SLC9A9: variants seen among roughly 807,000 people sequenced by gnomAD.
SLC9A9 encodes solute carrier family 9 member A9.
A neutral mutation model predicts 77.8 loss-of-function variants in SLC9A9; 62 were observed. The observed-to-expected ratio is 0.80, with a 90% CI of 0.65 to 0.98. SLC9A9 has a LOEUF of 0.98. Ranked by LOEUF, SLC9A9 falls within the 50% of genes least tolerant of loss-of-function variation. The pLI is 0.00. For synonymous variants in SLC9A9, 320 were observed against 283.5 expected (o/e 1.13, Z -1.29); for missense variants, 775 against 774.9 (o/e 1.00, Z 0.00).
At chr3:143,671,403 T>A (rs1472639761) in intron 5 of SLC9A9, among the ~76,000 whole-genome samples, 2 of 152,214 alleles carry the variant, frequency 1.3e-5, no homozygotes, top group Non-Finnish European at 2.9e-5. Context: ...TACCTATATT[T>A]CATTAACTTG....
intron 8 of SLC9A9, among the ~76,000 whole-genome samples, chr3:143,560,165 G>T (rs1023646571): frequency 1.3e-5 from 2 of 152,228 alleles, no homozygotes; most frequent in African/African-American, 2.4e-5. Context: ...TTTAAATGCA[G>T]ATTCTCCTTC....
At chr3:143,473,675 A>G (rs369715392) in intron 11 of SLC9A9, among the ~76,000 whole-genome samples, 1 of 152,232 alleles carries the variant, frequency 6.6e-6, no homozygotes, top group East Asian at 1.9e-4. Context: ...TTATTAAATC[A>G]TAGTCTGAAA....
intron 9 of SLC9A9, among the ~76,000 whole-genome samples, chr3:143,547,648 G>A (rs183097330): frequency 1.3e-5 from 2 of 152,286 alleles, no homozygotes; most frequent in East Asian, 1.9e-4. Flanking sequence ...GCCCCAGGGG[G>A]CCTCTGTACC....
intron 12 of SLC9A9, among the ~76,000 whole-genome samples, chr3:143,434,668 C>T (rs541341205): frequency 6.6e-6 from 1 of 152,274 alleles, no homozygotes; most frequent in East Asian, 1.9e-4. Context: ...CAGCTACTGC[C>T]CTAGGTCATC....
chr3:143,484,968 T>C (rs1407778390), intron 11 of SLC9A9, among the ~76,000 whole-genome samples: 1 of 152,230 alleles, frequency 6.6e-6, no homozygotes, highest in African/African-American at 2.4e-5. Flanking sequence ...ATTTGTATGA[T>C]GTAACTATTT....
intron 2 of SLC9A9, among the ~76,000 whole-genome samples, chr3:143,807,503 A>G (rs2008753033): frequency 6.6e-6 from 1 of 152,106 alleles, no homozygotes; most frequent in Non-Finnish European, 1.5e-5. Context: ...TGTTCCTTCT[A>G]TTATATAAAT....
At chr3:143,595,372 C>G (rs1353163828) in intron 6 of SLC9A9, among the ~76,000 whole-genome samples, 1 of 152,232 alleles carries the variant, frequency 6.6e-6, no homozygotes, top group Non-Finnish European at 1.5e-5. Flanking sequence ...CCTTATCAAG[C>G]ATCTGCTGAG....
At chr3:143,731,220 T>A (rs1488075378) in intron 4 of SLC9A9, among the ~76,000 whole-genome samples, 1 of 152,196 alleles carries the variant, frequency 6.6e-6, no homozygotes, top group Non-Finnish European at 1.5e-5. Flanking sequence ...GAGAGAACCA[T>A]GTGTGTAACA....
intron 8 of SLC9A9, among the ~76,000 whole-genome samples, chr3:143,568,785 T>G (rs886723459): frequency 2.6e-5 from 4 of 152,190 alleles, no homozygotes; most frequent in African/African-American, 9.6e-5. Context: ...ACAGTCTAAC[T>G]TCTGCCCATT....
intron 5 of SLC9A9, among the ~76,000 whole-genome samples, chr3:143,662,204 A>G (rs930780106): frequency 1.4e-4 from 21 of 152,266 alleles, no homozygotes; most frequent in African/African-American, 4.6e-4. Flanking sequence ...TAGATACTGC[A>G]GCATAAACTA....
intron 5 of SLC9A9, 112 bp from the exon 6 acceptor site, chr3:143,652,472 A>G (rs542848081): frequency 1.5e-5 from 12 of 798,834 alleles, no homozygotes; most frequent in Admixed American, 1.4e-4. Flanking sequence ...CTCAAATCCA[A>G]TGACTATACT....
intron 5 of SLC9A9, among the ~76,000 whole-genome samples, chr3:143,685,380 C>T (rs1404383674): frequency 6.6e-6 from 1 of 151,990 alleles, no homozygotes. Context: ...TACAGCAACT[C>T]TAGAATGTGC....
chr3:143,686,699 C>G (rs1480695318), intron 5 of SLC9A9, among the ~76,000 whole-genome samples: 1 of 152,248 alleles, frequency 6.6e-6, no homozygotes, highest in East Asian at 1.9e-4. Flanking sequence ...AAATTGTTAT[C>G]TTGGATAGTC....
At chr3:143,328,779 C>T (rs958565539) in intron 14 of SLC9A9, among the ~76,000 whole-genome samples, 7 of 152,196 alleles carry the variant, frequency 4.6e-5, no homozygotes, top group Non-Finnish European at 7.3e-5. Flanking sequence ...CTTGATTTTT[C>T]CCCCTAATAT....
intron 14 of SLC9A9, among the ~76,000 whole-genome samples, chr3:143,335,082 T>A (rs1201050325): frequency 6.6e-6 from 1 of 151,980 alleles, no homozygotes; most frequent in Admixed American, 6.6e-5. Flanking sequence ...TTAGAGCTAA[T>A]AAAGGAATTC....
intron 6 of SLC9A9, among the ~76,000 whole-genome samples, chr3:143,651,990 C>T (rs869300349): frequency 6.6e-6 from 1 of 151,950 alleles, no homozygotes; most frequent in African/African-American, 2.4e-5. Context: ...TTTTAGGAAC[C>T]TAAGTGAATC....
chr3:143,481,095 A>G (rs111537056), intron 11 of SLC9A9, among the ~76,000 whole-genome samples: 5 of 152,224 alleles, frequency 3.3e-5, no homozygotes, highest in Admixed American at 6.5e-5. Context: ...CCAAATATTT[A>G]TAGAAGCCTA....
At chr3:143,647,931 TAA>T (rs2038731283) in intron 6 of SLC9A9, among the ~76,000 whole-genome samples, 1 of 152,224 alleles carries the variant, frequency 6.6e-6, no homozygotes, top group African/African-American at 2.4e-5. Flanking sequence ...GGTTATTCTC[TAA>T]GTTTCCTGGA....
At chr3:143,571,738 C>G (rs1343922512) in intron 8 of SLC9A9, among the ~76,000 whole-genome samples, 4 of 152,130 alleles carry the variant, frequency 2.6e-5, no homozygotes. Context: ...CAGCAATGAA[C>G]AGTGGCCTAA....
Sources: gnomAD v4.1 joint callset for allele counts (sites outside exome capture counted in the v4.1 genomes callset) on GRCh38, gnomAD v4.1.1 for gene constraint, MANE v1.5 for transcripts, NCBI Gene and HGNC (gene_info 2026-07-23, HGNC 2026-07-21) for gene names.